FBXL17: variants seen among roughly 807,000 people sequenced by gnomAD.
The protein encoded by FBXL17 is F-box and leucine rich repeat protein 17, also known as F-box/LRR-repeat protein 17.
A neutral mutation model predicts 66.2 loss-of-function variants in FBXL17; 22 were observed. That is an observed-to-expected ratio of 0.33 (90% CI 0.24 to 0.47). The LOEUF is 0.47. Among genes scored for constraint, FBXL17 ranks in the 20% least tolerant of loss-of-function variants. The probability of loss-of-function intolerance (pLI) is 1.00; values close to 1 mark genes in which losing one functional copy is unlikely to be tolerated. For synonymous variants in FBXL17, 474 were observed against 400.5 expected (o/e 1.18, Z -2.19); for missense variants, 878 against 948.2 (o/e 0.93, Z 0.97).
intron 6 of FBXL17, among the ~76,000 whole-genome samples, chr5:108,081,012 T>C (rs958767249): frequency 6.6e-6 from 1 of 152,158 alleles, no homozygotes; most frequent in African/African-American, 2.4e-5. Flanking sequence ...AAGACAGCCT[T>C]GTAAGGGCAT....
rs188290024 is a variant in FBXL17, at chr5:108,207,394, T to C, written c.1614+16727A>G. On this transcript the variant is annotated intron_variant, in intron 5 of 8. Transcript: ENST00000542267. ...TGGCAGAACGTGCAGTTTTGTTACA[T>C]AGGTATACACATACCATGGTGGTTT... Among the ~76,000 whole-genome samples, 40 of 152,196 alleles carry C rather than the reference T, an allele frequency of 2.6e-4. No homozygotes were observed. The East Asian group carries it at 7.4e-3, about 28-fold the overall frequency.
intron 1 of FBXL17, among the ~76,000 whole-genome samples, chr5:108,374,943 A>G (rs1473783700): frequency 3.3e-5 from 5 of 152,148 alleles, no homozygotes; most frequent in Non-Finnish European, 5.9e-5. Context: ...TCAAGAAACT[A>G]TAAAAAGAAA....
chr5:107,912,455 T>C lies in FBXL17; in HGVS notation c.1823-31276A>G, dbSNP rs189433985. 2.6e-5 allele frequency among the ~76,000 whole-genome samples: 4 copies of C among 152,214 alleles called. No individual in the cohort carries two copies. In the East Asian group the frequency reaches 5.8e-4, roughly 22 times the overall value. Reference sequence around the variant, plus strand: ...GAATATATAAATAAAACATAGTATATTCATTTCAAGGTATACACAAAGTGG... The same window carrying C: ...GAATATATAAATAAAACATAGTATACTCATTTCAAGGTATACACAAAGTGG... On this transcript the variant is annotated intron_variant, in intron 7 of 8. Transcript: ENST00000542267.
chr5:108,207,301 T>C (rs898000732), intron 5 of FBXL17, among the ~76,000 whole-genome samples: 10 of 152,116 alleles, frequency 6.6e-5, no homozygotes, highest in Admixed American at 5.9e-4. Context: ...CTGGTTTCTC[T>C]AAATTCTCAC....
chr5:108,324,388 C>T (rs1759755317), intron 4 of FBXL17, among the ~76,000 whole-genome samples: 1 of 151,886 alleles, frequency 6.6e-6, no homozygotes, highest in Non-Finnish European at 1.5e-5. Flanking sequence ...ACCTCACATC[C>T]ATTAAGATGT....
In FBXL17 at chr5:108,128,586, C is replaced by A. The variant is rs189301579; in HGVS notation, c.1745+57531G>T. ...GAAACTCTATGATAAAAACAGCAAC[C>A]AAGAGAGCTTCTCCTAAACACATTT... On this transcript the variant is annotated intron_variant, in intron 6 of 8. Coordinates refer to ENST00000542267, the MANE Select transcript of FBXL17 (RefSeq NM_001163315.3). Among the ~76,000 whole-genome samples, 205 of 152,224 alleles carry A rather than the reference C, an allele frequency of 1.3e-3. 2 individuals are homozygous for A. Among genetic ancestry groups the A allele is most frequent in the Admixed American group, 3.2e-3 (49 of 15,286 alleles).
intron 7 of FBXL17, among the ~76,000 whole-genome samples, chr5:107,913,065 T>G (rs1053014855): frequency 6.6e-6 from 1 of 152,100 alleles, no homozygotes; most frequent in Non-Finnish European, 1.5e-5. Flanking sequence ...ATATTTTATT[T>G]ATTTTTTTAT....
intron 4 of FBXL17, among the ~76,000 whole-genome samples, chr5:108,262,529 C>T (rs1264608238): frequency 7.9e-5 from 12 of 152,048 alleles, no homozygotes; most frequent in Non-Finnish European, 1.8e-4. Context: ...CAATGGTCTA[C>T]GTGATTTTTT....
At chr5:107,896,612 T>C (rs1215475601) in intron 7 of FBXL17, among the ~76,000 whole-genome samples, 1 of 152,164 alleles carries the variant, frequency 6.6e-6, no homozygotes, top group African/African-American at 2.4e-5. Flanking sequence ...AAACCAGGAA[T>C]AACATCATGG....
chr5:108,157,171 T>C (rs1293868037), intron 6 of FBXL17, among the ~76,000 whole-genome samples: 4 of 145,802 alleles, frequency 2.7e-5, no homozygotes, highest in Admixed American at 1.4e-4. Context: ...TCTATGGCAC[T>C]GAACAAACTG....
intron 7 of FBXL17, among the ~76,000 whole-genome samples, chr5:107,945,761 A>T (rs893021327): frequency 6.6e-6 from 1 of 152,210 alleles, no homozygotes; most frequent in Non-Finnish European, 1.5e-5. Flanking sequence ...GAAGGCTGGT[A>T]ACTTTTGGAG....
At chr5:108,015,499 G>GA (rs1461759407) in intron 7 of FBXL17, among the ~76,000 whole-genome samples, 1 of 151,862 alleles carries the variant, frequency 6.6e-6, no homozygotes, top group Non-Finnish European at 1.5e-5. Flanking sequence ...AATATAAAAT[G>GA]AAAAAAACAG....
In FBXL17 at chr5:107,890,593, G is replaced by A. The variant is rs182020974; in HGVS notation, c.1823-9414C>T. On this transcript the variant is annotated intron_variant, in intron 7 of 8. Transcript: ENST00000542267. ...GCGGGAGGACTGCTTGGGCCTGGGA[G>A]GTGGAGGTTGCATTGAGCCAAGATC... Among the ~76,000 whole-genome samples the A allele has an allele frequency of 2.1e-3, 315 of 152,028 alleles. 2 individuals are homozygous for A. The highest frequency in any genetic ancestry group is 0.016 in the Admixed American group (251 of 15,252).
chr5:108,341,668 T>C (rs1335436044), intron 4 of FBXL17, among the ~76,000 whole-genome samples: 2 of 152,122 alleles, frequency 1.3e-5, no homozygotes, highest in Non-Finnish European at 2.9e-5. Context: ...TTTCACAGCA[T>C]GACACTGAAA....
chr5:108,370,908 A>C (rs1489053001), intron 1 of FBXL17, among the ~76,000 whole-genome samples: 1 of 152,200 alleles, frequency 6.6e-6, no homozygotes, highest in Admixed American at 6.5e-5. Flanking sequence ...TTAGTAACAA[A>C]TGAATTGTGG....
chr5:108,173,094 C>A (rs1752667379), intron 6 of FBXL17, among the ~76,000 whole-genome samples: 1 of 152,150 alleles, frequency 6.6e-6, no homozygotes, highest in Non-Finnish European at 1.5e-5. Flanking sequence ...AGCCACTGTG[C>A]CCGGCCAACA....
At chr5:108,230,225 T>C (rs865997094) in intron 4 of FBXL17, among the ~76,000 whole-genome samples, 10 of 152,180 alleles carry the variant, frequency 6.6e-5, no homozygotes, top group African/African-American at 1.9e-4. Context: ...ACTGGGTATC[T>C]ACCCAGAGGA....
rs1279806409 is a variant in FBXL17, at chr5:107,950,393, AAC to A, written c.1823-69216_1823-69215del. 2.6e-5 allele frequency among the ~76,000 whole-genome samples: 4 copies of A among 152,338 alleles called. No homozygotes were observed. The South Asian group carries it at 6.2e-4, about 24-fold the overall frequency. Reference sequence around the variant, plus strand: ...TAAAAAAGTTTAATTGGAAGTTATTAACACTGTGAATATTCTGAATATAGAAT... The same window carrying A: ...TAAAAAAGTTTAATTGGAAGTTATTAACTGTGAATATTCTGAATATAGAAT... On this transcript the variant is annotated intron_variant, in intron 7 of 8. Transcript: ENST00000542267.
intron 6 of FBXL17, among the ~76,000 whole-genome samples, chr5:108,035,272 A>G (rs1746796809): frequency 6.6e-6 from 1 of 152,230 alleles, no homozygotes; most frequent in Admixed American, 6.5e-5. Context: ...GAGTTTAAAA[A>G]TCTCTCATAA....
Sources: gnomAD v4.1 joint callset for allele counts (sites outside exome capture counted in the v4.1 genomes callset) on GRCh38, gnomAD v4.1.1 for gene constraint, MANE v1.5 for transcripts, NCBI Gene and HGNC (gene_info 2026-07-23, HGNC 2026-07-21) for gene names.